VPS36: variants seen among roughly 807,000 people sequenced by gnomAD.
VPS36 encodes the protein vacuolar protein-sorting-associated protein 36.
A neutral mutation model predicts 63.5 loss-of-function variants in VPS36; 31 were observed. That is an observed-to-expected ratio of 0.49 (90% CI 0.37 to 0.66). The LOEUF (loss-of-function observed/expected upper bound fraction) is 0.66. Ranked by LOEUF, VPS36 falls within the 30% of genes least tolerant of loss-of-function variation. The pLI is 0.00. For missense variants in VPS36, 338 were observed against 463.7 expected (o/e 0.73, Z 2.49); for synonymous variants, 138 against 157.2 (o/e 0.88, Z 0.91).
At chr13:52,420,058 T>C (rs947909513) in intron 10 of VPS36, among the ~76,000 whole-genome samples, 1 of 151,920 alleles carries the variant, frequency 6.6e-6, no homozygotes, top group Admixed American at 6.6e-5. Context: ...CTGGCCAACA[T>C]GGAGAAACCC....
intron 3 of VPS36, among the ~76,000 whole-genome samples, chr13:52,437,380 C>A (rs1425164213): frequency 6.6e-6 from 1 of 151,994 alleles, no homozygotes; most frequent in South Asian, 2.1e-4. Context: ...ATAGAACTGT[C>A]TGAAACAAAC....
At chr13:52,445,922 A>T (rs1310166917) in intron 1 of VPS36, among the ~76,000 whole-genome samples, 3 of 120,444 alleles carry the variant, frequency 2.5e-5, no homozygotes, top group African/African-American at 9.4e-5. Flanking sequence ...CCTGGGCGAC[A>T]GAGAAAGACT....
chr13:52,433,470 T>C (rs1415764988), intron 6 of VPS36, among the ~76,000 whole-genome samples, 192 bp downstream of exon 6: 1 of 152,240 alleles, frequency 6.6e-6, no homozygotes, highest in Non-Finnish European at 1.5e-5. Context: ...ATTTCTTTTT[T>C]ATTCCTTTTA....
In VPS36 at chr13:52,450,506, T is replaced by A. The variant is rs1942355228; in HGVS notation, c.89A>T (p.Glu30Val). 6.3e-7 allele frequency: 1 copy of A among 1,592,496 alleles called. No homozygotes were observed. The highest frequency in any genetic ancestry group is 1.1e-5 in the South Asian group (1 of 88,896). Residue 30 changes from glutamate (E) to valine (V), a missense_variant, in exon 1 of 14, where the codon GAG becomes GTG. Transcript: ENST00000378060. ...GGTTGGCAGACGCCCTACCTTCTCC[T>A]CGCCATCGTAGATTCGCACCCCGCG... is the stretch of plus-strand genomic sequence containing the variant. The part of the protein sequence containing the change: ...QQRGVRIYDG[E>V]EKIKFDAGTL...
rs1462608385 is a variant in VPS36, at chr13:52,415,930, A to T, written c.1068-7T>A. 6.2e-7 allele frequency: 1 copy of T among 1,613,396 alleles called. No homozygotes were observed. Among genetic ancestry groups the T allele is most frequent in the Admixed American group, 1.7e-5 (1 of 59,826 alleles). ...CTTCTCTGCAAGCAGCAACCTAAAA[A>T]AAAACAACAAAAAAACCCCCACACA... On this transcript the variant is annotated splice_polypyrimidine_tract_variant and splice_region_variant and intron_variant, in intron 13 of 13. Coordinates refer to ENST00000378060, the MANE Select transcript of VPS36 (RefSeq NM_016075.4).
At chr13:52,447,229 C>T (rs1228426135) in intron 1 of VPS36, among the ~76,000 whole-genome samples, 1 of 151,996 alleles carries the variant, frequency 6.6e-6, no homozygotes, top group Admixed American at 6.6e-5. Context: ...AGATTGCTTC[C>T]AATTTTTCCA....
chr13:52,417,446 C>T (rs570440886), intron 11 of VPS36, among the ~76,000 whole-genome samples: 6 of 152,288 alleles, frequency 3.9e-5, no homozygotes, highest in East Asian at 1.9e-4. Flanking sequence ...CCGCAACCTC[C>T]GCCTCCCGGG....
intron 4 of VPS36, chr13:52,435,980 T>G (rs1958211066): frequency 4.4e-6 from 1 of 228,052 alleles, no homozygotes; most frequent in Admixed American, 5.0e-5. Context: ...CTCTGTTCCT[T>G]TAACTAAACT....
chr13:52,442,312 C>A (rs917743692), intron 2 of VPS36, 65 bp downstream of exon 2: 21 of 1,453,188 alleles, frequency 1.4e-5, no homozygotes, highest in Admixed American at 6.8e-5. Flanking sequence ...TACAGCGAGA[C>A]CCTGTCTCTA....
Position 52,420,393 on chromosome 13 carries a change from C to T in VPS36, c.841-2337G>A, listed in dbSNP as rs181202892. 7.4e-3 allele frequency among the ~76,000 whole-genome samples: 1,130 copies of T among 151,684 alleles called. 6 individuals are homozygous for T. The highest frequency in any genetic ancestry group is 0.017 in the African/African-American group (709 of 41,394). On this transcript the variant is annotated intron_variant, in intron 10 of 13. Coordinates refer to ENST00000378060, the MANE Select transcript of VPS36 (RefSeq NM_016075.4). Reference sequence around the variant, plus strand: ...TGTTGCCCAGGCTGGAGTGCAGTGGCGTGATCTCGGCTCACTGCAATCTCC... The same window carrying T: ...TGTTGCCCAGGCTGGAGTGCAGTGGTGTGATCTCGGCTCACTGCAATCTCC...
intron 6 of VPS36, among the ~76,000 whole-genome samples, chr13:52,432,890 G>C (rs1330608109): frequency 1.3e-5 from 2 of 152,184 alleles, no homozygotes; most frequent in African/African-American, 4.8e-5. Flanking sequence ...ATAACTATTT[G>C]TAGTTTTAGA....
chr13:52,432,243 C>T (rs1472897259), intron 6 of VPS36, among the ~76,000 whole-genome samples: 6 of 151,912 alleles, frequency 3.9e-5, no homozygotes, highest in Middle Eastern at 3.4e-3. Context: ...CCCAGCTACT[C>T]GGGAGGCTGA....
At position 52,427,227 on chromosome 13, in the gene VPS36, G is replaced by A. The variant is rs747343772; in HGVS notation, c.529-8C>T. 2 of 1,612,962 alleles carry A rather than the reference G, an allele frequency of 1.2e-6. No individual in the cohort carries two copies. Among genetic ancestry groups the A allele is most frequent in the South Asian group, 2.2e-5 (2 of 90,854 alleles). ...GCTGAGGTCTTCAAAGGCCTGAAATGAGAAATGAATTTTGGTTGAAATCCA... is the reference window on the plus strand; with the variant it reads ...GCTGAGGTCTTCAAAGGCCTGAAATAAGAAATGAATTTTGGTTGAAATCCA... On this transcript the variant is annotated splice_region_variant and splice_polypyrimidine_tract_variant and intron_variant, in intron 6 of 13. Transcript: ENST00000378060.
chr13:52,422,053 T>C (rs1023930259), intron 10 of VPS36, among the ~76,000 whole-genome samples: 1 of 152,068 alleles, frequency 6.6e-6, no homozygotes, highest in Non-Finnish European at 1.5e-5. Flanking sequence ...TATTGAACAT[T>C]CGAATTTATT....
intron 5 of VPS36, among the ~76,000 whole-genome samples, chr13:52,433,984 C>A (rs1434377790): frequency 6.6e-6 from 1 of 152,174 alleles, no homozygotes; most frequent in Non-Finnish European, 1.5e-5. Context: ...ATATTTTACT[C>A]TGCATTTTAG....
intron 10 of VPS36, among the ~76,000 whole-genome samples, chr13:52,419,650 T>A (rs536910386): frequency 1.3e-5 from 2 of 152,284 alleles, no homozygotes; most frequent in Admixed American, 1.3e-4. Flanking sequence ...TGGGTATATA[T>A]CCAAAAGAAA....
intron 8 of VPS36, 85 bp from the exon 9 acceptor site, chr13:52,426,151 A>G (rs1594115750): frequency 2.6e-6 from 4 of 1,523,734 alleles, no homozygotes; most frequent in East Asian, 2.3e-5. Flanking sequence ...ATTCCACTCA[A>G]TTATGTCTAC....
At chr13:52,450,190 C>T (rs1334111997) in intron 1 of VPS36, 3 of 1,031,386 alleles carry the variant, frequency 2.9e-6, no homozygotes, top group African/African-American at 1.7e-5. Flanking sequence ...CTCCTTCTCC[C>T]GGGCACTGCA....
rs908570467 is a variant in VPS36 at position 52,413,374 on chromosome 13, T to C, written c.*2456A>G. 6.6e-6 allele frequency: 1 copy of C among 152,048 alleles called. No homozygotes were observed. Among genetic ancestry groups the C allele is most frequent in the Non-Finnish European group, 1.5e-5 (1 of 67,908 alleles). The allele number at this position is 152,048 out of a possible 1,614,324, so 9.4% of individuals were successfully genotyped here. A position where few individuals can be genotyped will look rare whatever the true frequency, so the allele number is the denominator to read the frequency against. On this transcript the variant is annotated 3_prime_UTR_variant, in exon 14 of 14. Coordinates refer to ENST00000378060, the MANE Select transcript of VPS36 (RefSeq NM_016075.4). ...GACAACTAAAACAGTAAGAGCTCAA[T>C]GTCATAAGTATTTATAAGCAACTCT... is the stretch of plus-strand genomic sequence containing the variant.
Sources: gnomAD v4.1 joint callset for allele counts (sites outside exome capture counted in the v4.1 genomes callset) on GRCh38, gnomAD v4.1.1 for gene constraint, MANE v1.5 for transcripts, NCBI Gene and HGNC (gene_info 2026-07-23, HGNC 2026-07-21) for gene names.